Variants in CFAP46 observed in about 807,000 individuals in gnomAD.
The protein encoded by CFAP46 is cilia and flagella associated protein 46.
In CFAP46, 245 loss-of-function variants were observed where a neutral mutation model predicts 325.7. The ratio of observed to expected loss-of-function variants is 0.75; its 90% CI spans 0.68 to 0.84. The LOEUF is 0.84. Among genes scored for constraint, CFAP46 ranks in the 40% least tolerant of loss-of-function variants. The pLI is 0.00. For synonymous variants in CFAP46, 1,523 were observed against 1,495.9 expected (o/e 1.02, Z -0.42); for missense variants, 3,346 against 3,543.0 (o/e 0.94, Z 1.41).
In CFAP46 at chr10:132,872,822, T is replaced by C. The variant is rs1660642050; in HGVS notation, c.4365A>G (p.Thr1455=). The C allele has an allele frequency of 6.4e-7, 1 of 1,551,046 alleles. No individual in the cohort carries two copies. The highest frequency in any genetic ancestry group is 1.4e-5 in the African/African-American group (1 of 73,058). Residue 1455 remains threonine, a splice_region_variant and synonymous_variant, in exon 32 of 58, where the codon ACA becomes ACG. Coordinates refer to ENST00000368586, the MANE Select transcript of CFAP46 (RefSeq NM_001200049.3). ...GGTGGTCCAGGAAATACAAACTGTA[T>C]GTCTACATGGACACATAACACACAC... is the stretch of plus-strand genomic sequence containing the variant. The part of the protein sequence containing the change: ...TVNPSSIQKP[T]YSLYFLDHLV...
intron 50 of CFAP46, among the ~76,000 whole-genome samples, chr10:132,824,428 GA>G: frequency 8.2e-6 from 1 of 121,818 alleles, no homozygotes; most frequent in African/African-American, 3.0e-5. Flanking sequence ...TGTGAGTGCT[GA>G]TGTGTGCTGT....
chr10:132,879,685 C>A, intron 28 of CFAP46, 54 bp from the exon 29 acceptor site: 2 of 1,433,656 alleles, frequency 1.4e-6, no homozygotes, highest in South Asian at 2.9e-5. Context: ...GGTCTGTGGG[C>A]CCCAGGCCAC....
chr10:132,919,487 G>A lies in CFAP46; in HGVS notation c.1731-45C>T. ...ACGAGTGAAAGGTGAGTAGACAAGT[G>A]TGGTTGCTGAAGTTAGAAAACACCT... On this transcript the variant is annotated intron_variant, in intron 14 of 57. Transcript: ENST00000368586. This position sits in a 1 kb window ranked among gnomAD's most constrained non-coding sequence, Gnocchi z 9.7. 4 of 1,518,070 alleles carry A rather than the reference G, an allele frequency of 2.6e-6. No homozygotes were observed. Among genetic ancestry groups the A allele is most frequent in the South Asian group, 2.4e-5 (2 of 82,156 alleles). The allele number at this position is 1,518,070 out of a possible 1,614,324, so 94.0% of individuals were successfully genotyped here.
At chr10:132,826,540 C>T (rs1168680616) in intron 50 of CFAP46, among the ~76,000 whole-genome samples, 2 of 137,778 alleles carry the variant, frequency 1.5e-5, no homozygotes, top group African/African-American at 5.7e-5. Context: ...AGACCAGCCA[C>T]GGAGCCAGGC....
chr10:132,895,220 C>T (rs1849303267), intron 24 of CFAP46, among the ~76,000 whole-genome samples: 3 of 152,172 alleles, frequency 2.0e-5, no homozygotes, highest in South Asian at 2.1e-4. Context: ...ACCACACAAC[C>T]GGCTCAATTG....
chr10:132,851,042 C>T (rs1848533119), intron 40 of CFAP46, 75 bp downstream of exon 40: 2 of 1,568,186 alleles, frequency 1.3e-6, no homozygotes, highest in South Asian at 1.1e-5. Flanking sequence ...ACGGCTCCTG[C>T]TGGAACGGGG....
At chr10:132,893,508 C>T (rs528287215) in intron 24 of CFAP46, among the ~76,000 whole-genome samples, 24 of 152,354 alleles carry the variant, frequency 1.6e-4, no homozygotes, top group African/African-American at 5.5e-4. Flanking sequence ...AACACTCTCT[C>T]GCTTCACTAA....
In CFAP46 at chr10:132,919,511, C is replaced by G. The variant is rs2135591925; in HGVS notation, c.1731-69G>C. The G allele has an allele frequency of 6.7e-7, 1 of 1,486,710 alleles. No individual in the cohort carries two copies. The highest frequency in any genetic ancestry group is 9.0e-7 in the Non-Finnish European group (1 of 1,117,122). 92.1% of individuals were successfully genotyped at this position (1,486,710 alleles called of 1,614,324 possible). ...TGTGGTTGCTGAAGTTAGAAAACAC[C>G]TGGGCTGGCTGCCTGAGAAAAGGCC... On this transcript the variant is annotated intron_variant, in intron 14 of 57. Transcript: ENST00000368586. The surrounding 1 kb of genome is among the most constrained non-coding windows in gnomAD (Gnocchi z 9.7).
At position 132,836,927 on chromosome 10, in the gene CFAP46, A is replaced by AT. The variant is rs748019190; in HGVS notation, c.6439-14_6439-13insA. Reference sequence around the variant, plus strand: ...GATTTTGCCAAGCCTGTGTGGCGAAAAACGGCCATCAGGGGATGCATTTAG... The same window carrying AT: ...GATTTTGCCAAGCCTGTGTGGCGAAATAACGGCCATCAGGGGATGCATTTAG... On this transcript the variant is annotated splice_polypyrimidine_tract_variant and intron_variant, in intron 44 of 57. Coordinates refer to ENST00000368586, the MANE Select transcript of CFAP46 (RefSeq NM_001200049.3). 4.4e-6 allele frequency: 7 copies of AT among 1,605,036 alleles called. No homozygotes were observed. The highest frequency in any genetic ancestry group is 6.0e-6 in the Non-Finnish European group (7 of 1,172,032).
intron 50 of CFAP46, among the ~76,000 whole-genome samples, chr10:132,818,444 C>T (rs1847735350): frequency 6.6e-6 from 1 of 152,138 alleles, no homozygotes; most frequent in South Asian, 2.1e-4. Context: ...TGACAAACCA[C>T]AGCTAACAGT....
At chr10:132,836,788 GC>G in intron 45 of CFAP46, 28 bp downstream of exon 45, 1 of 1,586,694 alleles carries the variant, frequency 6.3e-7, no homozygotes, top group Non-Finnish European at 8.6e-7. Flanking sequence ...CGGGCTGGGG[GC>G]GGCCTCAACA....
chr10:132,878,186 G>T, intron 29 of CFAP46, 99 bp from the exon 30 acceptor site: 1 of 1,122,902 alleles, frequency 8.9e-7, no homozygotes, highest in Non-Finnish European at 1.3e-6. Context: ...AGACCCGCGG[G>T]GCTCCCCAGA....
intron 39 of CFAP46, among the ~76,000 whole-genome samples, chr10:132,857,100 C>T (rs1035815982): frequency 3.3e-5 from 5 of 152,250 alleles, no homozygotes; most frequent in Admixed American, 3.3e-4. Context: ...GGTGCTGTTC[C>T]CACCCTAGAA....
intron 49 of CFAP46, among the ~76,000 whole-genome samples, chr10:132,833,784 G>A (rs953707262): frequency 6.6e-6 from 1 of 152,200 alleles, no homozygotes; most frequent in Admixed American, 6.5e-5. Flanking sequence ...ACGCGAAGGT[G>A]GCTGTGCTGG....
intron 24 of CFAP46, among the ~76,000 whole-genome samples, chr10:132,897,550 GC>G (rs1398041051): frequency 6.6e-5 from 10 of 152,372 alleles, no homozygotes; most frequent in African/African-American, 2.4e-4. Flanking sequence ...GTCTTCCTGG[GC>G]AGCCAGAAAA....
chr10:132,919,195 A>G lies in CFAP46; in HGVS notation c.1858+120T>C, dbSNP rs1849682349. On this transcript the variant is annotated intron_variant, in intron 15 of 57. Coordinates refer to ENST00000368586, the MANE Select transcript of CFAP46 (RefSeq NM_001200049.3). The surrounding 1 kb of genome is among the most constrained non-coding windows in gnomAD (Gnocchi z 9.7). Reference sequence around the variant, plus strand: ...GTGGGAACTGCTACCATTGTGACTTAGCAATACGCTTTCTCATGCGAAGGC... The same window carrying G: ...GTGGGAACTGCTACCATTGTGACTTGGCAATACGCTTTCTCATGCGAAGGC... 4.7e-6 allele frequency: 5 copies of G among 1,063,158 alleles called. No individual in the cohort carries two copies. The highest frequency in any genetic ancestry group is 2.9e-5 in the East Asian group (1 of 34,444). The allele number at this position is 1,063,158 out of a possible 1,614,324, so 65.9% of individuals were successfully genotyped here.
At chr10:132,938,517 A>G in intron 5 of CFAP46, 72 bp downstream of exon 5, 1 of 1,410,498 alleles carries the variant, frequency 7.1e-7, no homozygotes, top group South Asian at 1.3e-5. Context: ...CCCCCCGGAG[A>G]AGGGGTGGTG....
chr10:132,814,327 G>C (rs1160942865), intron 53 of CFAP46, 73 bp from the exon 54 acceptor site: 1 of 1,310,864 alleles, frequency 7.6e-7, no homozygotes, highest in African/African-American at 1.5e-5. Flanking sequence ...GGGGTCCCTG[G>C]GGAGGGGTCA....
chr10:132,814,893 C>T lies in CFAP46; in HGVS notation c.7139G>A (p.Gly2380Glu). 6.2e-7 allele frequency: 1 copy of T among 1,614,182 alleles called. No homozygotes were observed. The highest frequency in any genetic ancestry group is 8.5e-7 in the Non-Finnish European group (1 of 1,180,014). The change falls in exon 51 of 58, where the codon GGA becomes GAA. Residue 2380 changes from glycine to glutamate, a missense_variant. Transcript: ENST00000368586. ...EETEGGVKKE[G>E]RSRDPKKRSL... ...TCTCTTTTTGGGGTCTCTGCTTCTT[C>T]CCTCCTTTTTCACGCCACCTTCTGT...
Sources: gnomAD v4.1 joint callset for allele counts (sites outside exome capture counted in the v4.1 genomes callset) on GRCh38, gnomAD v4.1.1 for gene constraint, Gnocchi (gnomAD v3.1) non-coding constraint, MANE v1.5 for transcripts, NCBI Gene and HGNC (gene_info 2026-07-23, HGNC 2026-07-21) for gene names.